The following EYA1 variants were observed in gnomAD, a reference collection of about 807,000 sequenced individuals.
EYA1 encodes protein phosphatase EYA1.
In EYA1, 16 loss-of-function variants were observed where a neutral mutation model predicts 82.0. The ratio of observed to expected loss-of-function variants is 0.20; its 90% CI spans 0.13 to 0.30. The LOEUF (loss-of-function observed/expected upper bound fraction) is 0.30, where lower values mean the gene tolerates loss of function less well. Among genes scored for constraint, EYA1 ranks in the 10% least tolerant of loss-of-function variants. The pLI is 1.00. For synonymous variants in EYA1, 261 were observed against 264.4 expected (o/e 0.99, Z 0.12); for missense variants, 633 against 730.7 (o/e 0.87, Z 1.54).
intron 2 of EYA1, among the ~76,000 whole-genome samples, chr8:71,500,180 A>G (rs1176514550): frequency 6.6e-6 from 1 of 152,224 alleles, no homozygotes; most frequent in African/African-American, 2.4e-5. Flanking sequence ...ATGTATGAAA[A>G]CATTAGCATA....
At chr8:71,432,598 G>A (rs1805704781) in intron 2 of EYA1, among the ~76,000 whole-genome samples, 1 of 152,122 alleles carries the variant, frequency 6.6e-6, no homozygotes, top group African/African-American at 2.4e-5. Context: ...GCTTGGGCAT[G>A]ATTGTGTCCT....
rs1247936716 is a variant in EYA1, at chr8:71,542,303, G to T, written c.-73+5561C>A. On this transcript the variant is annotated intron_variant, in intron 1 of 18. Transcript: ENST00000643681. ...CTTATCATTCAGCACCCACTTACAA[G>T]TGAGAACATGCACTATTTGGTTTTC... 3.3e-5 allele frequency among the ~76,000 whole-genome samples: 5 copies of T among 152,086 alleles called. No homozygotes were observed. In the East Asian group the frequency reaches 9.6e-4, roughly 29 times the overall value.
At chr8:71,234,020 A>C (rs1335220121) in intron 12 of EYA1, among the ~76,000 whole-genome samples, 2 of 152,140 alleles carry the variant, frequency 1.3e-5, no homozygotes, top group Admixed American at 1.3e-4. Flanking sequence ...AGTGCAGTAA[A>C]TATTTTTATA....
chr8:71,509,979 G>A (rs1024790043), intron 2 of EYA1, among the ~76,000 whole-genome samples: 1 of 151,236 alleles, frequency 6.6e-6, no homozygotes, highest in Non-Finnish European at 1.5e-5. Context: ...AGATGGTAAT[G>A]GTATTTTTAG....
chr8:71,266,908 T>C (rs1213143877), intron 11 of EYA1, among the ~76,000 whole-genome samples: 1 of 152,200 alleles, frequency 6.6e-6, no homozygotes, highest in African/African-American at 2.4e-5. Flanking sequence ...TTCACTTCTC[T>C]GTCTTGTTTA....
chr8:71,477,482 G>C (rs908931934), intron 2 of EYA1, among the ~76,000 whole-genome samples: 1 of 151,782 alleles, frequency 6.6e-6, no homozygotes, highest in African/African-American at 2.4e-5. Context: ...TTAGTCACTA[G>C]GGAAATGAAA....
At chr8:71,264,343 T>G (rs1042717820) in intron 11 of EYA1, among the ~76,000 whole-genome samples, 1 of 152,192 alleles carries the variant, frequency 6.6e-6, no homozygotes, top group African/African-American at 2.4e-5. Context: ...TAAACTGCTT[T>G]CAGTTTTTCT....
intron 9 of EYA1, among the ~76,000 whole-genome samples, chr8:71,273,634 C>T (rs756163353): frequency 6.6e-6 from 1 of 152,212 alleles, no homozygotes; most frequent in Non-Finnish European, 1.5e-5. Flanking sequence ...CGTCTCCATG[C>T]AGAACCAGAT....
At chr8:71,326,225 C>T (rs537567299) in intron 4 of EYA1, among the ~76,000 whole-genome samples, 73 of 152,276 alleles carry the variant, frequency 4.8e-4, no homozygotes, top group Non-Finnish European at 8.5e-4. Flanking sequence ...AAAGAACTCT[C>T]GAAATTGGCA....
chr8:71,355,111 T>C (rs1253790154), intron 2 of EYA1, among the ~76,000 whole-genome samples: 1 of 152,244 alleles, frequency 6.6e-6, no homozygotes, highest in African/African-American at 2.4e-5. Context: ...TCACTTGCTT[T>C]ACCTATACAG....
At chr8:71,278,666 G>A (rs1397625029) in intron 9 of EYA1, among the ~76,000 whole-genome samples, 2 of 152,132 alleles carry the variant, frequency 1.3e-5, no homozygotes, top group African/African-American at 2.4e-5. Context: ...CTCCCAGCCT[G>A]ATATTTCCTT....
intron 2 of EYA1, among the ~76,000 whole-genome samples, chr8:71,472,804 T>TATAC (rs1254166093): frequency 1.4e-5 from 2 of 147,972 alleles, no homozygotes; most frequent in Non-Finnish European, 3.0e-5. Context: ...TATATATATA[T>TATAC]ATATATATAT....
At chr8:71,289,301 C>T (rs756885400) in intron 9 of EYA1, among the ~76,000 whole-genome samples, 1 of 152,174 alleles carries the variant, frequency 6.6e-6, no homozygotes. Flanking sequence ...AAGATATCCA[C>T]AAACTGCTTT....
intron 3 of EYA1, 84 bp downstream of exon 3, chr8:71,354,698 C>T (rs527748310): frequency 3.6e-6 from 5 of 1,376,568 alleles, no homozygotes; most frequent in East Asian, 4.8e-5. Flanking sequence ...ATTTTGACAA[C>T]TGAAATCATA....
In EYA1 at chr8:71,299,733, G is replaced by T; in HGVS notation, c.557-13C>A. Reference sequence around the variant, plus strand: ...GTAAAACTGCTACCTAAAACAAAATGAAAAGAAATACGATTATACCAGGCT... The same window carrying T: ...GTAAAACTGCTACCTAAAACAAAATTAAAAGAAATACGATTATACCAGGCT... On this transcript the variant is annotated splice_polypyrimidine_tract_variant and intron_variant, in intron 7 of 17. Transcript: ENST00000340726. The T allele has an allele frequency of 2.3e-6, 3 of 1,320,026 alleles. No homozygotes were observed. The highest frequency in any genetic ancestry group is 1.2e-5 in the South Asian group (1 of 85,072). The allele number at this position is 1,320,026 out of a possible 1,614,324, so 81.8% of individuals were successfully genotyped here. A position where few individuals can be genotyped will look rare whatever the true frequency, so the allele number is the denominator to read the frequency against.
upstream of EYA1, among the ~76,000 whole-genome samples, chr8:71,365,477 T>C (rs570632622): frequency 2.3e-4 from 35 of 152,152 alleles, no homozygotes; most frequent in Non-Finnish European, 8.8e-5. Context: ...TGCATTTTCT[T>C]AAAAAAGCGA....
chr8:71,352,279 G>A (rs769311272), intron 3 of EYA1, among the ~76,000 whole-genome samples: 54 of 152,148 alleles, frequency 3.5e-4, no homozygotes, highest in Non-Finnish European at 5.4e-4. Flanking sequence ...AGAGAGGAAT[G>A]AAATAGATAT....
At chr8:71,465,620 T>C (rs575234181) in intron 2 of EYA1, among the ~76,000 whole-genome samples, 6 of 152,194 alleles carry the variant, frequency 3.9e-5, no homozygotes, top group African/African-American at 1.4e-4. Context: ...AGACTCCATT[T>C]CAAAAAAATA....
intron 11 of EYA1, among the ~76,000 whole-genome samples, chr8:71,249,543 C>T (rs1813498994): frequency 6.6e-6 from 1 of 152,146 alleles, no homozygotes; most frequent in South Asian, 2.1e-4. Flanking sequence ...ATTCAATTAT[C>T]TCCCACTGGG....
Sources: gnomAD v4.1 joint callset for allele counts (sites outside exome capture counted in the v4.1 genomes callset) on GRCh38, gnomAD v4.1.1 for gene constraint, MANE v1.5 for transcripts, NCBI Gene and HGNC (gene_info 2026-07-23, HGNC 2026-07-21) for gene names.